Variants in PCDHGA2 observed in about 807,000 individuals in gnomAD.
PCDHGA2 encodes protocadherin gamma subfamily A, 2.
A neutral mutation model predicts 59.2 loss-of-function variants in PCDHGA2; 40 were observed. That is an observed-to-expected ratio of 0.68 (90% CI 0.52 to 0.88). PCDHGA2 has a LOEUF of 0.88. PCDHGA2 is among the 40% of genes least tolerant of loss of function. PCDHGA2 has a pLI of 0.00. For missense variants in PCDHGA2, 1,226 were observed against 1,204.0 expected (o/e 1.02, Z -0.27); for synonymous variants, 560 against 526.0 (o/e 1.06, Z -0.89).
intron 1 of PCDHGA2, among the ~76,000 whole-genome samples, chr5:141,458,065 G>A (rs55848374): frequency 0.098 from 14,910 of 152,232 alleles, 965 homozygotes; most frequent in Non-Finnish European, 0.14. Flanking sequence ...GCACTGATGC[G>A]AACAACTATA....
At chr5:141,345,956 C>T (rs112486508) in intron 1 of PCDHGA2, 60,170 of 1,575,464 alleles carry the variant, frequency 0.038, 1,872 homozygotes, top group African/African-American at 0.21. Context: ...TCAAGCAGAG[C>T]CTCGTGGTGG....
At chr5:141,357,187 G>A in intron 1 of PCDHGA2, 4 of 1,613,774 alleles carry the variant, frequency 2.5e-6, no homozygotes, top group Non-Finnish European at 3.4e-6. Context: ...ACTCACTGTG[G>A]CTGTGGCCGA....
In PCDHGA2 at chr5:141,481,621, C is replaced by T. The variant is rs533294863; in HGVS notation, c.2425-13186C>T. Among the ~76,000 whole-genome samples the T allele has an allele frequency of 3.9e-5, 6 of 152,198 alleles. 1 individual carries two copies. Among genetic ancestry groups the T allele is most frequent in the East Asian group, 3.9e-4 (2 of 5,172 alleles). Reference sequence around the variant, plus strand: ...TCACCTGAGGCCAGGAGTTCAAGACCGGCCTGGCCAACATGGTGAAACTTC... The same window carrying T: ...TCACCTGAGGCCAGGAGTTCAAGACTGGCCTGGCCAACATGGTGAAACTTC... On this transcript the variant is annotated intron_variant, in intron 1 of 3. Transcript: ENST00000394576.
At chr5:141,501,602 A>T (rs766918685) in intron 2 of PCDHGA2, among the ~76,000 whole-genome samples, 1 of 152,026 alleles carries the variant, frequency 6.6e-6, no homozygotes. Flanking sequence ...TACCAGTTCC[A>T]GCTGTGTGAC....
At chr5:141,388,064 G>A in intron 1 of PCDHGA2, 1 of 1,376,092 alleles carries the variant, frequency 7.3e-7, no homozygotes, top group South Asian at 1.3e-5. Context: ...GCGTCCAGGA[G>A]TTACCGACTC....
chr5:141,394,535 C>T, intron 1 of PCDHGA2: 1 of 1,614,210 alleles, frequency 6.2e-7, no homozygotes, highest in Non-Finnish European at 8.5e-7. Flanking sequence ...GTTCCACTGG[C>T]GTGGAGCTGG....
chr5:141,352,541 T>C, intron 1 of PCDHGA2: 1 of 1,613,748 alleles, frequency 6.2e-7, no homozygotes, highest in South Asian at 1.1e-5. Context: ...AAAGACAGAG[T>C]TTAATTCTCT....
At chr5:141,440,954 G>A (rs908507291) in intron 1 of PCDHGA2, 9 of 152,184 alleles carry the variant, frequency 5.9e-5, no homozygotes, top group Non-Finnish European at 1.0e-4. Flanking sequence ...GAGTGTCAAG[G>A]CAGAGATCAC....
In PCDHGA2 at chr5:141,491,081, C is replaced by T; in HGVS notation, c.2425-3726C>T. The T allele has an allele frequency of 6.2e-7, 1 of 1,614,176 alleles. No individual in the cohort carries two copies. The highest frequency in any genetic ancestry group is 8.5e-7 in the Non-Finnish European group (1 of 1,180,010). On this transcript the variant is annotated intron_variant, in intron 1 of 3. Coordinates refer to ENST00000394576, the MANE Select transcript of PCDHGA2 (RefSeq NM_018915.4). The surrounding 1 kb of genome is among the most constrained non-coding windows in gnomAD (Gnocchi z 6.9). Reference sequence around the variant, plus strand: ...TCCTACTCACTGTTGCCACAGTCCACAGCCCCAGGACTGTTCCTCGTGTCT... The same window carrying T: ...TCCTACTCACTGTTGCCACAGTCCATAGCCCCAGGACTGTTCCTCGTGTCT...
chr5:141,414,942 C>T, intron 1 of PCDHGA2: 3 of 1,614,126 alleles, frequency 1.9e-6, no homozygotes, highest in Non-Finnish European at 1.7e-6. Context: ...CAGAGCCCGG[C>T]TACCTGGTGA....
chr5:141,345,410 C>T, intron 1 of PCDHGA2: 1 of 1,614,104 alleles, frequency 6.2e-7, no homozygotes, highest in Non-Finnish European at 8.5e-7. Flanking sequence ...CCTACTCCGC[C>T]TACATTCCAG....
intron 1 of PCDHGA2, chr5:141,346,610 T>G: frequency 8.6e-7 from 1 of 1,156,972 alleles, no homozygotes; most frequent in Non-Finnish European, 1.2e-6. Flanking sequence ...GGGCCTATAG[T>G]AGGACTGCAC....
intron 1 of PCDHGA2, chr5:141,419,113 C>A: frequency 6.2e-7 from 1 of 1,613,872 alleles, no homozygotes; most frequent in Non-Finnish European, 8.5e-7. Flanking sequence ...CCCCAGAGTA[C>A]AACGTCACCA....
chr5:141,509,663 G>A (rs933532930), intron 3 of PCDHGA2, among the ~76,000 whole-genome samples: 1 of 152,140 alleles, frequency 6.6e-6, no homozygotes, highest in Non-Finnish European at 1.5e-5. Context: ...ACTTCTCTGG[G>A]CCCCAGTTTC....
chr5:141,345,729 G>A, intron 1 of PCDHGA2: 1 of 1,614,194 alleles, frequency 6.2e-7, no homozygotes, highest in African/African-American at 1.3e-5. Context: ...CCTGTACCCC[G>A]CCCTCCCCAC....
At position 141,370,526 on chromosome 5, in the gene PCDHGA2, C is replaced by T. The variant is rs533530770; in HGVS notation, c.2424+29131C>T. 25 of 1,613,860 alleles carry T rather than the reference C, an allele frequency of 1.5e-5. No individual in the cohort carries two copies. In the East Asian group the frequency reaches 4.0e-4, roughly 26 times the overall value. ...CTATTCCCGAGGAGCTGGACAGGGG[C>T]TCGCTGGTAGGGAACCTCGCCAAGG... On this transcript the variant is annotated intron_variant, in intron 1 of 3. Transcript: ENST00000394576.
intron 1 of PCDHGA2, chr5:141,344,126 C>T (rs768485525): frequency 1.2e-6 from 2 of 1,613,996 alleles, no homozygotes; most frequent in South Asian, 2.2e-5. Context: ...CCGGTCAGAT[C>T]CGCTACTCGG....
chr5:141,376,643 A>T, intron 1 of PCDHGA2: 1 of 1,013,992 alleles, frequency 9.9e-7, no homozygotes, highest in Non-Finnish European at 1.4e-6. Context: ...GATTTTGTAA[A>T]GTGGAAGACT....
At chr5:141,346,081 A>G (rs200571439) in intron 1 of PCDHGA2, 2 of 1,613,524 alleles carry the variant, frequency 1.2e-6, no homozygotes, top group South Asian at 2.2e-5. Context: ...CCCTCCGCCA[A>G]ACCCAACGAT....
Sources: gnomAD v4.1 joint callset for allele counts (sites outside exome capture counted in the v4.1 genomes callset) on GRCh38, gnomAD v4.1.1 for gene constraint, Gnocchi (gnomAD v3.1) non-coding constraint, MANE v1.5 for transcripts, NCBI Gene and HGNC (gene_info 2026-07-23, HGNC 2026-07-21) for gene names.